RFC3: variants seen among roughly 807,000 people sequenced by gnomAD.
The protein encoded by RFC3 is replication factor C subunit 3.
In RFC3, 41 loss-of-function variants were observed where a neutral mutation model predicts 45.1. The ratio of observed to expected loss-of-function variants is 0.91; its 90% CI spans 0.71 to 1.18. The LOEUF (loss-of-function observed/expected upper bound fraction) is 1.18. RFC3 is among the 50% of genes most tolerant of loss of function. The pLI is 0.00. For missense variants in RFC3, 423 were observed against 428.1 expected, an observed-to-expected ratio of 0.99 and a Z score of 0.10; for synonymous variants, 149 against 144.0, an observed-to-expected ratio of 1.03 and a Z score of -0.25.
rs370167802 is a variant in RFC3 at position 33,830,844 on chromosome 13, C to T, written c.699C>T (p.Cys233=). ...LRKALLMCEA[C]RVQQYPFTAD... is the part of the protein sequence containing the mutation. ...AAGCCCTGCTTATGTGTGAAGCCTG[C>T]AGAGTGCAACAGTGAGTGGAAGGGG... The change falls in exon 6 of 9, where the codon TGC becomes TGT. Residue 233 remains cysteine, a synonymous_variant. Transcript: ENST00000380071. The T allele has an allele frequency of 3.7e-6, 6 of 1,611,494 alleles. No homozygotes were observed. The highest frequency in any genetic ancestry group is 1.3e-5 in the African/African-American group (1 of 74,750).
chr13:33,938,794 G>C (rs1054938473), intron 8 of RFC3, among the ~76,000 whole-genome samples: 1 of 151,968 alleles, frequency 6.6e-6, no homozygotes, highest in Non-Finnish European at 1.5e-5. Context: ...TGGAAAGCTG[G>C]GTCATTGGGG....
chr13:33,836,226 G>T lies in RFC3; in HGVS notation c.1002G>T (p.Ala334=). 6.2e-7 allele frequency: 1 copy of T among 1,613,476 alleles called. No individual in the cohort carries two copies. The highest frequency in any genetic ancestry group is 8.5e-7 in the Non-Finnish European group (1 of 1,179,532). The change falls in exon 9 of 9, where the codon GCG becomes GCT. Residue 334 remains alanine, a synonymous_variant. Coordinates refer to ENST00000380071, the MANE Select transcript of RFC3 (RefSeq NM_002915.4). The stretch of plus-strand genomic sequence containing the variant: ...GCAAAGCCATTTATCACTTGGAAGC[G>T]TTTGTGGCCAAATTCATGGCACTTT... ...LGSKAIYHLE[A]FVAKFMALYK... is the part of the protein sequence containing the mutation.
At chr13:33,937,860 G>A (rs554008780) in intron 8 of RFC3, among the ~76,000 whole-genome samples, 1 of 152,212 alleles carries the variant, frequency 6.6e-6, no homozygotes, top group South Asian at 2.1e-4. Context: ...CAAACCACTA[G>A]CCATTAACAT....
intron 8 of RFC3, among the ~76,000 whole-genome samples, chr13:33,930,571 CAAATGTT>C (rs992322848): frequency 1.3e-5 from 2 of 152,080 alleles, no homozygotes; most frequent in Middle Eastern, 3.2e-3. Flanking sequence ...TCCACTGACT[CAAATGTT>C]AATCTCCTTT....
chr13:33,911,258 C>T (rs2082702252), intron 8 of RFC3, among the ~76,000 whole-genome samples: 1 of 152,064 alleles, frequency 6.6e-6, no homozygotes, highest in South Asian at 2.1e-4. Context: ...AGCTCATTTA[C>T]ACCACAGCCT....
the RFC3 span, among the ~76,000 whole-genome samples, chr13:33,972,670 C>A: frequency 6.6e-6 from 1 of 152,108 alleles, no homozygotes; most frequent in Non-Finnish European, 1.5e-5. Context: ...AATTGGTAGC[C>A]TGGAAATGTA....
At chr13:33,949,667 G>A (rs973382478) in intron 8 of RFC3, among the ~76,000 whole-genome samples, 19 of 152,118 alleles carry the variant, frequency 1.2e-4, no homozygotes, top group Non-Finnish European at 2.6e-4. Flanking sequence ...AGGCCGCAGA[G>A]TGCCCAAATA....
chr13:33,957,506 T>G (rs909203973), intron 8 of RFC3, among the ~76,000 whole-genome samples: 8 of 152,188 alleles, frequency 5.3e-5, no homozygotes, highest in Non-Finnish European at 4.4e-5. Flanking sequence ...GTACCACTTA[T>G]GACTACTGAA....
chr13:33,937,246 A>G (rs1295786227), intron 8 of RFC3, among the ~76,000 whole-genome samples: 1 of 152,194 alleles, frequency 6.6e-6, no homozygotes, highest in African/African-American at 2.4e-5. Context: ...TGCCGATAAC[A>G]TTCAGTACAG....
At chr13:33,886,571 A>G (rs2082525466) in intron 8 of RFC3, among the ~76,000 whole-genome samples, 1 of 151,280 alleles carries the variant, frequency 6.6e-6, no homozygotes, top group Admixed American at 6.6e-5. Flanking sequence ...AAAACCCATC[A>G]TTATTTCAGC....
chr13:33,877,377 T>C (rs1248384808), intron 8 of RFC3, among the ~76,000 whole-genome samples: 1 of 152,208 alleles, frequency 6.6e-6, no homozygotes, highest in East Asian at 1.9e-4. Context: ...GAGAATCTCA[T>C]TAACTGCATG....
At chr13:33,821,611 AAG>A (rs2082004734) in intron 2 of RFC3, among the ~76,000 whole-genome samples, 2 of 152,192 alleles carry the variant, frequency 1.3e-5, no homozygotes, top group South Asian at 2.1e-4. Context: ...GATGGAAAGA[AAG>A]AGAATGATTT....
chr13:33,948,749 T>G (rs544794422), intron 8 of RFC3, among the ~76,000 whole-genome samples: 13 of 152,352 alleles, frequency 8.5e-5, no homozygotes, highest in African/African-American at 2.9e-4. Context: ...TTTGAAACTT[T>G]AAGGTTTAAT....
At chr13:33,965,601 A>C (rs185503050) in intron 8 of RFC3, among the ~76,000 whole-genome samples, 1 of 152,334 alleles carries the variant, frequency 6.6e-6, no homozygotes, top group Admixed American at 6.5e-5. Context: ...TGAGATTTAA[A>C]TAAGATGTCT....
At chr13:33,848,589 T>A (rs2082255298) in intron 8 of RFC3, 1 of 152,194 alleles carries the variant, frequency 6.6e-6, no homozygotes, top group African/African-American at 2.4e-5. Flanking sequence ...AGCATGTAAG[T>A]TGACCCCTCT....
At chr13:33,870,978 A>C (rs2082403730) in intron 8 of RFC3, among the ~76,000 whole-genome samples, 1 of 152,190 alleles carries the variant, frequency 6.6e-6, no homozygotes, top group Non-Finnish European at 1.5e-5. Context: ...TGCTTTTCAC[A>C]CTGTGTCCCC....
At chr13:33,890,573 C>T (rs746926330) in intron 8 of RFC3, among the ~76,000 whole-genome samples, 4 of 152,158 alleles carry the variant, frequency 2.6e-5, no homozygotes, top group Admixed American at 1.3e-4. Context: ...TTAGCAGTTT[C>T]CCACCTCTCT....
chr13:33,895,795 T>C (rs1351263782), intron 8 of RFC3, among the ~76,000 whole-genome samples: 1 of 152,142 alleles, frequency 6.6e-6, no homozygotes, highest in Non-Finnish European at 1.5e-5. Context: ...GAAAATGTGG[T>C]ATATGCACAC....
At chr13:33,859,657 T>C (rs562918386) in intron 8 of RFC3, among the ~76,000 whole-genome samples, 54 of 152,348 alleles carry the variant, frequency 3.5e-4, no homozygotes, top group Non-Finnish European at 7.1e-4. Context: ...ATTTTTATAA[T>C]AAAGCATTAT....
Sources: allele counts gnomAD v4.1 joint callset (sites outside exome capture counted in the v4.1 genomes callset), GRCh38; gene constraint gnomAD v4.1.1; transcripts MANE v1.5; gene names NCBI Gene and HGNC (gene_info 2026-07-23, HGNC 2026-07-21).